Variants in DAB1 observed in about 807,000 individuals in gnomAD.
DAB1 encodes disabled homolog 1.
Under a neutral mutation model 64.6 loss-of-function variants are expected in DAB1, and 15 were observed. That is an observed-to-expected ratio of 0.23 (90% CI 0.16 to 0.36). The LOEUF is 0.36. Ranked by LOEUF, DAB1 falls within the 10% of genes least tolerant of loss-of-function variation. The pLI is 1.00. For synonymous variants in DAB1, 235 were observed against 251.9 expected (o/e 0.93, Z 0.64); for missense variants, 596 against 706.7 (o/e 0.84, Z 1.78).
At chr1:57,667,085 T>C (rs1467925068) in intron 6 of DAB1, among the ~76,000 whole-genome samples, 3 of 152,186 alleles carry the variant, frequency 2.0e-5, no homozygotes, top group Admixed American at 2.0e-4. Context: ...GGTACTCTTC[T>C]AGACACTCTT....
intron 1 of DAB1, among the ~76,000 whole-genome samples, chr1:57,363,689 T>C (rs370051725): frequency 6.6e-6 from 1 of 152,104 alleles, no homozygotes; most frequent in Admixed American, 6.6e-5. Context: ...GTACCCAAGA[T>C]TGTACAGTCA....
At chr1:57,918,683 G>C (rs1644767252) in intron 5 of DAB1, among the ~76,000 whole-genome samples, 1 of 152,154 alleles carries the variant, frequency 6.6e-6, no homozygotes, top group Non-Finnish European at 1.5e-5. Context: ...AATTAGCCGG[G>C]CATGGTGGCG....
intron 4 of DAB1, among the ~76,000 whole-genome samples, chr1:58,262,509 C>T (rs481109): frequency 0.92 from 139,922 of 152,170 alleles, 64,334 homozygotes; most frequent in South Asian, 0.95. Flanking sequence ...CGCTTGAACT[C>T]GGGAGGCAGA....
intron 5 of DAB1, among the ~76,000 whole-genome samples, chr1:58,053,840 T>C (rs1647872547): frequency 6.6e-6 from 1 of 152,224 alleles, no homozygotes; most frequent in African/African-American, 2.4e-5. Flanking sequence ...AAATCAATGC[T>C]GTACTACCAT....
At chr1:58,504,749 T>C (rs1424401017) in intron 3 of DAB1, among the ~76,000 whole-genome samples, 1 of 152,214 alleles carries the variant, frequency 6.6e-6, no homozygotes, top group Non-Finnish European at 1.5e-5. Context: ...AGCAGATTCA[T>C]CTTCCTTCAA....
chr1:57,793,507 C>T (rs1370270110), intron 6 of DAB1, among the ~76,000 whole-genome samples: 1 of 152,110 alleles, frequency 6.6e-6, no homozygotes, highest in Non-Finnish European at 1.5e-5. Context: ...TTACAGTATT[C>T]CTCTCTGCTG....
chr1:57,500,203 C>G lies in DAB1; in HGVS notation n.625+149389G>C, dbSNP rs372968453. Among the ~76,000 whole-genome samples, 72 of 152,318 alleles carry G rather than the reference C, an allele frequency of 4.7e-4. 1 individual carries two copies. The South Asian group carries it at 0.014, about 29-fold the overall frequency. On this transcript the variant is annotated intron_variant and non_coding_transcript_variant, in intron 7 of 20. Coordinates refer to the DAB1 transcript ENST00000485760. ...TGCTAAAGAGATGCTATATCTCCCC[C>G]TTTCAGAGAAATGAGAAAAAAAGAG...
intron 1 of DAB1, among the ~76,000 whole-genome samples, chr1:57,333,876 C>A (rs1207055955): frequency 6.6e-6 from 1 of 152,174 alleles, no homozygotes; most frequent in African/African-American, 2.4e-5. Context: ...AACGTCTACT[C>A]CAAATCAAAC....
chr1:57,791,910 T>C (rs2101859513), intron 6 of DAB1, among the ~76,000 whole-genome samples: 1 of 152,348 alleles, frequency 6.6e-6, no homozygotes, highest in Non-Finnish European at 1.5e-5. Context: ...TGGATTCACC[T>C]TTATTTCTTC....
At chr1:57,134,947 T>C (rs1449864182) in intron 4 of DAB1, among the ~76,000 whole-genome samples, 2 of 152,182 alleles carry the variant, frequency 1.3e-5, no homozygotes, top group Non-Finnish European at 2.9e-5. Context: ...GCACATAATA[T>C]GTATTTGATA....
chr1:57,742,145 AT>A (rs887549836), intron 6 of DAB1, among the ~76,000 whole-genome samples: 49 of 151,918 alleles, frequency 3.2e-4, no homozygotes, highest in Non-Finnish European at 5.4e-4. Flanking sequence ...GAATACAAGG[AT>A]TTTTTTTGGG....
At chr1:57,352,912 CAA>C (rs1678701889) in intron 1 of DAB1, among the ~76,000 whole-genome samples, 2 of 152,102 alleles carry the variant, frequency 1.3e-5, no homozygotes, top group South Asian at 4.2e-4. Context: ...CAGCCCCAAA[CAA>C]GAGAGAATCA....
At chr1:57,520,361 G>A (rs1381665721) in intron 7 of DAB1, among the ~76,000 whole-genome samples, 2 of 152,092 alleles carry the variant, frequency 1.3e-5, no homozygotes, top group Non-Finnish European at 2.9e-5. Flanking sequence ...TTTCTGCACT[G>A]GTAGAGAAGA....
At chr1:58,323,234 T>TATA (rs146067591) in intron 4 of DAB1, among the ~76,000 whole-genome samples, 3,107 of 145,874 alleles carry the variant, frequency 0.021, 34 homozygotes, top group Middle Eastern at 0.043. Context: ...GAACTTAAAG[T>TATA]ATAATAATAA....
intron 4 of DAB1, among the ~76,000 whole-genome samples, chr1:58,204,327 G>A (rs945279415): frequency 6.6e-5 from 10 of 152,322 alleles, no homozygotes; most frequent in African/African-American, 2.2e-4. Flanking sequence ...GCCCCAGAGG[G>A]TAGAACTTAA....
intron 5 of DAB1, among the ~76,000 whole-genome samples, chr1:58,146,315 TTCA>T (rs1173387689): frequency 1.3e-5 from 2 of 152,184 alleles, no homozygotes; most frequent in Admixed American, 1.3e-4. Flanking sequence ...TATCCATATG[TTCA>T]TCACCTCAAA....
intron 6 of DAB1, among the ~76,000 whole-genome samples, chr1:57,693,329 A>G (rs1383009168): frequency 1.3e-5 from 2 of 151,402 alleles, no homozygotes; most frequent in Non-Finnish European, 2.9e-5. Context: ...GTGGGGATTT[A>G]GAGAACTTTT....
At chr1:57,198,649 TCACACACACACA>T (rs57872654) in intron 2 of DAB1, among the ~76,000 whole-genome samples, 5 of 128,334 alleles carry the variant, frequency 3.9e-5, no homozygotes, top group East Asian at 4.5e-4. Context: ...CTTCTCTCTC[TCACACACACACA>T]CACACACACA....
chr1:57,187,487 A>G (rs1283190534), intron 2 of DAB1, among the ~76,000 whole-genome samples: 3 of 152,292 alleles, frequency 2.0e-5, no homozygotes, highest in South Asian at 2.1e-4. Flanking sequence ...TAAATGTGCT[A>G]TGGGCTCCTG....
Sources: gnomAD v4.1 joint callset for allele counts (sites outside exome capture counted in the v4.1 genomes callset) on GRCh38, gnomAD v4.1.1 for gene constraint, MANE v1.5 for transcripts, NCBI Gene and HGNC (gene_info 2026-07-23, HGNC 2026-07-21) for gene names.